Variants in ADGRV1 observed in about 807,000 individuals in gnomAD.
ADGRV1 encodes G-protein coupled receptor 98.
In ADGRV1, 359 loss-of-function variants were observed where a neutral mutation model predicts 596.2. That is an observed-to-expected ratio of 0.60 (90% CI 0.55 to 0.66). The LOEUF is 0.66. ADGRV1 is among the 30% of genes least tolerant of loss of function. The pLI, the probability that ADGRV1 is intolerant of heterozygous loss-of-function variation, is 0.00. For synonymous variants in ADGRV1, 2,681 were observed against 2,679.2 expected, an observed-to-expected ratio of 1.00 and a Z score of -0.02; for missense variants, 7,274 against 7,575.6, an observed-to-expected ratio of 0.96 and a Z score of 1.48.
chr5:90,873,071 A>T (rs961343923), intron 83 of ADGRV1, among the ~76,000 whole-genome samples: 1 of 152,162 alleles, frequency 6.6e-6, no homozygotes, highest in African/African-American at 2.4e-5. Context: ...AGTGCCTTTT[A>T]TGTAGTTGCC....
At chr5:91,076,305 G>A (rs1161034674) in intron 86 of ADGRV1, among the ~76,000 whole-genome samples, 1 of 152,068 alleles carries the variant, frequency 6.6e-6, no homozygotes, top group Admixed American at 6.6e-5. Flanking sequence ...TGCCTTTAAA[G>A]TATTTGTCCC....
chr5:90,919,828 C>T (rs780438033), intron 83 of ADGRV1, among the ~76,000 whole-genome samples: 1 of 151,834 alleles, frequency 6.6e-6, no homozygotes, highest in East Asian at 1.9e-4. Context: ...AACCCCATCT[C>T]TACTAAAAAT....
At chr5:91,021,823 G>A (rs1315393892) in intron 85 of ADGRV1, among the ~76,000 whole-genome samples, 1 of 152,054 alleles carries the variant, frequency 6.6e-6, no homozygotes, top group Non-Finnish European at 1.5e-5. Flanking sequence ...TGCCTAGATA[G>A]GAGGTATCAT....
chr5:90,888,573 G>A (rs765246168), intron 83 of ADGRV1, among the ~76,000 whole-genome samples: 1 of 151,998 alleles, frequency 6.6e-6, no homozygotes, highest in African/African-American at 2.4e-5. Flanking sequence ...TGACTAATGG[G>A]CCTTCATACT....
chr5:91,114,463 GTTGCAGTGAGCCAAGATCACACCAC>G (rs1792671923), intron 87 of ADGRV1, among the ~76,000 whole-genome samples: 1 of 152,062 alleles, frequency 6.6e-6, no homozygotes, highest in Admixed American at 6.5e-5. Context: ...GGAAGCGGAG[GTTGCAGTGAGCCAAGATCACACCAC>G]TGCACTCCAG....
At chr5:90,717,499 A>G (rs1561585669) in intron 43 of ADGRV1, 1 of 141,752 alleles carries the variant, frequency 7.1e-6, no homozygotes, top group Non-Finnish European at 1.5e-5. Context: ...CAGTGGCGCA[A>G]TCTAGGTTTA....
intron 11 of ADGRV1, among the ~76,000 whole-genome samples, chr5:90,642,002 A>G (rs937414451): frequency 2.0e-5 from 3 of 152,058 alleles, no homozygotes; most frequent in Admixed American, 6.5e-5. Flanking sequence ...TTTTTTTCTT[A>G]TATTCCCTAC....
intron 27 of ADGRV1, among the ~76,000 whole-genome samples, chr5:90,683,114 A>T (rs1745155945): frequency 6.6e-6 from 1 of 152,246 alleles, no homozygotes. Flanking sequence ...TGGGCATAAA[A>T]GATACACAAA....
intron 85 of ADGRV1, among the ~76,000 whole-genome samples, chr5:91,055,474 T>C (rs1292878563): frequency 6.6e-6 from 1 of 152,210 alleles, no homozygotes; most frequent in African/African-American, 2.4e-5. Flanking sequence ...TTACCTCATT[T>C]ATCCCTCACA....
chr5:91,093,132 C>A (rs547155259), intron 86 of ADGRV1, among the ~76,000 whole-genome samples: 1 of 152,294 alleles, frequency 6.6e-6, no homozygotes, highest in Admixed American at 6.5e-5. Flanking sequence ...TACAATTATC[C>A]TTTATTTTTT....
rs1278809627 is a variant in ADGRV1 at position 91,069,111 on chromosome 5, C to T, written c.18153-3336C>T. ...CATATGGAAAAGATTGAAATTGGAC[C>T]GTTCCTTACACCACATACAAAAATT... On this transcript the variant is annotated intron_variant, in intron 85 of 89. Transcript: ENST00000405460. Among the ~76,000 whole-genome samples, 7 of 152,170 alleles carry T rather than the reference C, an allele frequency of 4.6e-5. No individual in the cohort carries two copies. The East Asian group carries it at 5.8e-4, about 13-fold the overall frequency.
intron 29 of ADGRV1, among the ~76,000 whole-genome samples, chr5:90,689,248 A>G (rs193254966): frequency 3.8e-4 from 57 of 150,576 alleles, no homozygotes; most frequent in Non-Finnish European, 5.9e-5. Context: ...GGCCTCACAC[A>G]CTGACAGATG....
At chr5:91,139,712 C>T (rs1794940736) in intron 87 of ADGRV1, among the ~76,000 whole-genome samples, 1 of 152,204 alleles carries the variant, frequency 6.6e-6, no homozygotes, top group African/African-American at 2.4e-5. Context: ...ATTCCCCTAA[C>T]CTGACACCTT....
In ADGRV1 at chr5:90,598,082, G is replaced by C. The variant is rs116982866; in HGVS notation, c.23-16753G>C. Among the ~76,000 whole-genome samples the C allele has an allele frequency of 3.6e-4, 55 of 152,302 alleles. 1 individual carries two copies. In the East Asian group the frequency reaches 0.01, roughly 28 times the overall value. ...CTATTCACGCGGTAGTGTGGAGGGC[G>C]TAGTTGGGAGGCAAGAATAGATTTA... On this transcript the variant is annotated intron_variant, in intron 1 of 89. Transcript: ENST00000405460.
Position 90,716,739 on chromosome 5 carries a change from G to A in ADGRV1, c.9447+10G>A, listed in dbSNP as rs1217519906. 1 of 1,600,696 alleles carries A rather than the reference G, an allele frequency of 6.2e-7. No individual in the cohort carries two copies. ...AGGTGTTCGATTCAAGGTACAGTAA[G>A]AAGCTTTAATGAGAATGGAAGTTTA... On this transcript the variant is annotated intron_variant, in intron 43 of 89. Transcript: ENST00000405460.
intron 21 of ADGRV1, among the ~76,000 whole-genome samples, chr5:90,668,868 T>C (rs1416498155): frequency 6.6e-6 from 1 of 152,176 alleles, no homozygotes; most frequent in Non-Finnish European, 1.5e-5. Context: ...TAGGTAACTT[T>C]TCCCTGTGAC....
intron 1 of ADGRV1, among the ~76,000 whole-genome samples, chr5:90,582,391 A>C (rs932621568): frequency 1.3e-5 from 2 of 152,164 alleles, no homozygotes; most frequent in African/African-American, 4.8e-5. Flanking sequence ...GGGTGTGTAT[A>C]TATTTAGGAT....
At chr5:90,895,915 T>C (rs969449642) in intron 83 of ADGRV1, among the ~76,000 whole-genome samples, 1 of 152,138 alleles carries the variant, frequency 6.6e-6, no homozygotes, top group Non-Finnish European at 1.5e-5. Context: ...TATGAACAGT[T>C]GGCCTGAAAG....
intron 47 of ADGRV1, 73 bp from the exon 48 acceptor site, chr5:90,725,476 T>C (rs1307666318): frequency 1.2e-6 from 1 of 838,014 alleles, no homozygotes; most frequent in Admixed American, 2.2e-5. Context: ...TTTTAACTCA[T>C]GCTATTAGTG....
Sources: gnomAD v4.1 joint callset for allele counts (sites outside exome capture counted in the v4.1 genomes callset) on GRCh38, gnomAD v4.1.1 for gene constraint, MANE v1.5 for transcripts, NCBI Gene and HGNC (gene_info 2026-07-23, HGNC 2026-07-21) for gene names.